Variants in ANKRD27 observed in about 807,000 individuals in gnomAD.
ANKRD27 encodes the protein ankyrin repeat domain-containing protein 27.
ANKRD27 carries 112 observed loss-of-function variants against 129.7 expected under a neutral mutation model. That is an observed-to-expected ratio of 0.86 (90% CI 0.74 to 1.01). The LOEUF (loss-of-function observed/expected upper bound fraction) is 1.01, where lower values mean the gene tolerates loss of function less well. Among genes scored for constraint, ANKRD27 ranks in the 50% least tolerant of loss-of-function variants. The pLI is 0.00. For missense variants in ANKRD27, 1,258 were observed against 1,300.5 expected (o/e 0.97, Z 0.50); for synonymous variants, 516 against 511.2 (o/e 1.01, Z -0.13).
At chr19:32,649,557 T>C in intron 3 of ANKRD27, 125 bp downstream of exon 3, 1 of 731,172 alleles carries the variant, frequency 1.4e-6, no homozygotes, top group Non-Finnish European at 2.4e-6. Flanking sequence ...CCCACGGGGC[T>C]GCAGTGTGTG....
chr19:32,654,881 A>G (rs1256599124), intron 2 of ANKRD27: 1 of 152,248 alleles, frequency 6.6e-6, no homozygotes, highest in Non-Finnish European at 1.5e-5. Flanking sequence ...TCCAAGGTAC[A>G]ATAGATTCTC....
chr19:32,629,844 C>CTTTTTTT (rs548494616), intron 13 of ANKRD27, among the ~76,000 whole-genome samples: 4 of 105,608 alleles, frequency 3.8e-5, no homozygotes, highest in Non-Finnish European at 3.9e-5. Context: ...CTCTTGTGTT[C>CTTTTTTT]TTTTTTTTTT....
intron 1 of ANKRD27, among the ~76,000 whole-genome samples, chr19:32,670,368 G>A (rs259279): frequency 0.67 from 101,400 of 152,116 alleles, 34,278 homozygotes; most frequent in Non-Finnish European, 0.72. Flanking sequence ...ACCTCTGTCC[G>A]ACACTGTTCT....
At chr19:32,610,356 G>A (rs1361452823) in intron 22 of ANKRD27, among the ~76,000 whole-genome samples, 1 of 151,514 alleles carries the variant, frequency 6.6e-6, no homozygotes, top group African/African-American at 2.4e-5. Flanking sequence ...ATGGTGGTAC[G>A]TGCCTGTAGT....
Position 32,644,439 on chromosome 19 carries a change from G to T in ANKRD27, c.411C>A (p.Thr137=), listed in dbSNP as rs200723729. 26 of 1,614,004 alleles carry T rather than the reference G, an allele frequency of 1.6e-5. No individual in the cohort carries two copies. ...CCAAGAACTCTCTCACATCTTCAAT[G>T]GTTTTCAGGGAAAAGGGATCTGAGG... ...LAPSDPFSLK[T]IEDVREFLGR... Residue 137 remains threonine, a synonymous_variant, in exon 5 of 29, where the codon ACC becomes ACA. Coordinates refer to ENST00000306065, the MANE Select transcript of ANKRD27 (RefSeq NM_032139.3).
intron 20 of ANKRD27, among the ~76,000 whole-genome samples, chr19:32,618,023 G>A (rs1312441427): frequency 6.6e-6 from 1 of 152,024 alleles, no homozygotes; most frequent in Non-Finnish European, 1.5e-5. Flanking sequence ...CTCCCAAAGT[G>A]CTGGCATTAC....
intron 1 of ANKRD27, among the ~76,000 whole-genome samples, chr19:32,660,009 A>G (rs1236374669): frequency 6.6e-6 from 1 of 152,242 alleles, no homozygotes; most frequent in Non-Finnish European, 1.5e-5. Flanking sequence ...CCGTAGTCCC[A>G]GCCACTCGGG....
chr19:32,626,908 T>C, intron 15 of ANKRD27, 81 bp from the exon 16 acceptor site: 1 of 900,166 alleles, frequency 1.1e-6, no homozygotes, highest in Non-Finnish European at 1.7e-6. Flanking sequence ...ACAACACTAT[T>C]GCACCCTCCT....
At chr19:32,609,293 A>G (rs1971798624) in intron 22 of ANKRD27, among the ~76,000 whole-genome samples, 1 of 149,672 alleles carries the variant, frequency 6.7e-6, no homozygotes, top group Admixed American at 6.6e-5. Context: ...TTACCCAACA[A>G]CGTATATATC....
At chr19:32,654,732 G>A (rs1350984547) in intron 2 of ANKRD27, among the ~76,000 whole-genome samples, 1 of 151,994 alleles carries the variant, frequency 6.6e-6, no homozygotes, top group Admixed American at 6.6e-5. Context: ...ATTTAGAGGT[G>A]CAATCCCACT....
At chr19:32,653,685 C>A (rs1188560767) in intron 2 of ANKRD27, among the ~76,000 whole-genome samples, 2 of 142,798 alleles carry the variant, frequency 1.4e-5, no homozygotes, top group African/African-American at 5.2e-5. Flanking sequence ...GGGGCATCCC[C>A]ACAAAAGGAG....
Position 32,605,953 on chromosome 19 carries a change from A to C in ANKRD27, c.2375T>G (p.Val792Gly). ...ATTCGAATCTAACAGACACTTCACC[A>C]CCTGGGCCAGAGAAGGAAAACGTGC... Reference protein sequence around the residue: ...HLACQQGHFQVVKCLLDSNAK... With the variant: ...HLACQQGHFQGVKCLLDSNAK... The change falls in exon 24 of 29, where the codon GTG (valine) becomes GGG (glycine). Residue 792 changes from valine to glycine, a missense_variant and splice_region_variant. By Grantham distance (109) the Val-to-Gly change is moderately radical. Transcript: ENST00000306065. 6.2e-7 allele frequency: 1 copy of C among 1,612,734 alleles called. No homozygotes were observed. Among genetic ancestry groups the C allele is most frequent in the African/African-American group, 1.3e-5 (1 of 74,862 alleles).
intron 11 of ANKRD27, among the ~76,000 whole-genome samples, chr19:32,639,738 G>C (rs992586257): frequency 2.6e-5 from 4 of 152,188 alleles, no homozygotes; most frequent in African/African-American, 9.7e-5. Flanking sequence ...TTCCAGGGGA[G>C]AGATTATGGG....
intron 2 of ANKRD27, among the ~76,000 whole-genome samples, chr19:32,651,438 C>T (rs770165100): frequency 2.0e-5 from 3 of 152,056 alleles, no homozygotes; most frequent in Non-Finnish European, 4.4e-5. Flanking sequence ...GGCGTGATCT[C>T]GGCTCACTGC....
At chr19:32,630,128 CTT>C (rs1411958013) in intron 13 of ANKRD27, among the ~76,000 whole-genome samples, 2 of 152,096 alleles carry the variant, frequency 1.3e-5, no homozygotes, top group African/African-American at 4.8e-5. Flanking sequence ...AGGGGATCCT[CTT>C]TTATTCTAAT....
intron 12 of ANKRD27, among the ~76,000 whole-genome samples, chr19:32,634,898 G>A (rs950456978): frequency 2.0e-4 from 31 of 152,134 alleles, no homozygotes; most frequent in African/African-American, 7.5e-4. Context: ...CTGGGTGACA[G>A]AGCGAGACTC....
At position 32,644,316 on chromosome 19, in the gene ANKRD27, G is replaced by A; in HGVS notation, c.525+9C>T. 6.2e-7 allele frequency: 1 copy of A among 1,610,892 alleles called. No homozygotes were observed. Among genetic ancestry groups the A allele is most frequent in the Non-Finnish European group, 8.5e-7 (1 of 1,178,468 alleles). ...GGCACGCCAGGCAGAGGACAGCACG[G>A]CTACTGACTATGTGGTGACGGAGGC... On this transcript the variant is annotated intron_variant, in intron 5 of 28. Coordinates refer to ENST00000306065, the MANE Select transcript of ANKRD27 (RefSeq NM_032139.3).
chr19:32,649,686 C>T lies in ANKRD27; in HGVS notation c.209G>A (p.Gly70Glu). 1 of 1,601,816 alleles carries T rather than the reference C, an allele frequency of 6.2e-7. No homozygotes were observed. The highest frequency in any genetic ancestry group is 8.6e-7 in the Non-Finnish European group (1 of 1,168,902). The part of the protein sequence containing the change: ...PVEEHFQTLN[G>E]KDVFIQGNRI... ...GATCCACCAAGAAATGAATACCTTT[C>T]CATTTAAGGTCTGAAAATGCTCTTC... The change falls in exon 3 of 29, where the codon GGA (glycine) becomes GAA (glutamate). Residue 70 changes from glycine (G) to glutamate (E), a missense_variant. Gly to Glu is a moderately conservative substitution (Grantham distance 98). Transcript: ENST00000306065.
intron 3 of ANKRD27, among the ~76,000 whole-genome samples, chr19:32,648,416 T>C (rs939113432): frequency 7.9e-5 from 12 of 152,238 alleles, no homozygotes; most frequent in African/African-American, 2.2e-4. Flanking sequence ...AGTGTGATCA[T>C]TGCGTTGTGG....
Sources: allele counts gnomAD v4.1 joint callset (sites outside exome capture counted in the v4.1 genomes callset), GRCh38; gene constraint gnomAD v4.1.1; transcripts MANE v1.5; gene names NCBI Gene and HGNC (gene_info 2026-07-23, HGNC 2026-07-21).